GALNT2: variants seen among roughly 807,000 people sequenced by gnomAD.
GALNT2 encodes polypeptide N-acetylgalactosaminyltransferase 2.
A neutral mutation model predicts 81.4 loss-of-function variants in GALNT2; 31 were observed. The ratio of observed to expected loss-of-function variants is 0.38; its 90% CI spans 0.29 to 0.51. The LOEUF (loss-of-function observed/expected upper bound fraction) is 0.51, where lower values mean the gene tolerates loss of function less well. Among genes scored for constraint, GALNT2 ranks in the 20% least tolerant of loss-of-function variants. The pLI is 0.87. For synonymous variants in GALNT2, 303 were observed against 287.4 expected, an observed-to-expected ratio of 1.05 and a Z score of -0.55; for missense variants, 629 against 765.7, an observed-to-expected ratio of 0.82 and a Z score of 2.11.
At chr1:230,260,250 C>G (rs1394324677) in intron 11 of GALNT2, among the ~76,000 whole-genome samples, 1 of 152,062 alleles carries the variant, frequency 6.6e-6, no homozygotes, top group Admixed American at 6.5e-5. Context: ...CAAGGAGGGC[C>G]TGGACAAAAG....
chr1:230,241,093 C>G (rs1665186411), intron 6 of GALNT2, among the ~76,000 whole-genome samples: 1 of 152,196 alleles, frequency 6.6e-6, no homozygotes, highest in African/African-American at 2.4e-5. Flanking sequence ...AGATTCCCCA[C>G]CCATTCACTC....
At chr1:230,106,282 T>C (rs761175348) in intron 1 of GALNT2, among the ~76,000 whole-genome samples, 14 of 152,196 alleles carry the variant, frequency 9.2e-5, no homozygotes, top group Non-Finnish European at 2.1e-4. Context: ...TGCAATTGCC[T>C]AAAGATTTCA....
intron 1 of GALNT2, among the ~76,000 whole-genome samples, chr1:230,123,705 A>G (rs985136729): frequency 6.6e-6 from 1 of 152,202 alleles, no homozygotes. Context: ...AAGGAAAAAT[A>G]TATATTTTAT....
Position 230,243,018 on chromosome 1 carries a change from GGTTA to G in GALNT2, c.608-284_608-281del, listed in dbSNP as rs1665246352. Among the ~76,000 whole-genome samples, 1 of 152,180 alleles carries G rather than the reference GGTTA, an allele frequency of 6.6e-6. No homozygotes were observed. Among genetic ancestry groups the G allele is most frequent in the Admixed American group, 6.5e-5 (1 of 15,284 alleles). On this transcript the variant is annotated intron_variant, in intron 6 of 15. Coordinates refer to ENST00000366672, the MANE Select transcript of GALNT2 (RefSeq NM_004481.5). This position sits in a 1 kb window ranked among gnomAD's most constrained non-coding sequence, Gnocchi z 4.2. ...TGTAGTTATAAAAGTTCCACATTTT[GGTTA>G]GTTGATAAAGGAGACTTCAGTAATG...
intron 1 of GALNT2, among the ~76,000 whole-genome samples, chr1:230,107,639 T>C (rs550699813): frequency 1.3e-5 from 2 of 151,768 alleles, no homozygotes; most frequent in Admixed American, 6.6e-5. Context: ...TGTGTGTGTG[T>C]GTGTGGTTGG....
intron 1 of GALNT2, among the ~76,000 whole-genome samples, chr1:230,098,559 A>T (rs1450312857): frequency 5.9e-5 from 9 of 151,954 alleles, no homozygotes; most frequent in Admixed American, 5.9e-4. Flanking sequence ...TGTCTAGGGC[A>T]GCGGTAAGAC....
At chr1:230,143,684 A>G (rs984707935) in intron 1 of GALNT2, among the ~76,000 whole-genome samples, 2 of 152,258 alleles carry the variant, frequency 1.3e-5, no homozygotes, top group African/African-American at 4.8e-5. Context: ...TTATTAAAGC[A>G]TTGAGTTCTT....
chr1:230,097,974 G>C (rs1660298027), intron 1 of GALNT2, among the ~76,000 whole-genome samples: 1 of 152,158 alleles, frequency 6.6e-6, no homozygotes, highest in East Asian at 1.9e-4. Flanking sequence ...TTTGTAAAGA[G>C]AGAATGTAAA....
chr1:230,144,417 A>G (rs1329151856), intron 1 of GALNT2, among the ~76,000 whole-genome samples: 3 of 152,238 alleles, frequency 2.0e-5, no homozygotes, highest in Admixed American at 1.3e-4. Flanking sequence ...CCGCAGCACC[A>G]AATGATAAAA....
intron 1 of GALNT2, chr1:230,091,757 G>C (rs1328999932): frequency 1.3e-5 from 2 of 152,286 alleles, no homozygotes; most frequent in Non-Finnish European, 2.9e-5. Flanking sequence ...TGTAGCTGTT[G>C]AATTCAGTCT....
chr1:230,226,623 C>A (rs1309737574), intron 3 of GALNT2, among the ~76,000 whole-genome samples: 2 of 152,176 alleles, frequency 1.3e-5, no homozygotes, highest in Non-Finnish European at 2.9e-5. Context: ...TCCATCTTTC[C>A]GAACACATGC....
chr1:230,199,904 C>T (rs1004026586), intron 2 of GALNT2, among the ~76,000 whole-genome samples: 2 of 152,140 alleles, frequency 1.3e-5, no homozygotes, highest in Non-Finnish European at 2.9e-5. Context: ...ACTCATGATT[C>T]AAATCTCAGT....
intron 10 of GALNT2, among the ~76,000 whole-genome samples, chr1:230,254,471 A>G (rs570503031): frequency 2.0e-4 from 30 of 152,300 alleles, no homozygotes; most frequent in Non-Finnish European, 4.3e-4. Flanking sequence ...GCAGATATCA[A>G]TCAGTTACTT....
intron 8 of GALNT2, among the ~76,000 whole-genome samples, chr1:230,247,234 T>C (rs1418198769): frequency 1.3e-5 from 2 of 152,028 alleles, no homozygotes; most frequent in African/African-American, 4.8e-5. Flanking sequence ...CACACACACA[T>C]ATGTGTGCAA....
chr1:230,189,542 A>G (rs141603031), intron 2 of GALNT2, among the ~76,000 whole-genome samples: 150 of 152,272 alleles, frequency 9.9e-4, no homozygotes, highest in Admixed American at 2.2e-3. Flanking sequence ...CACTTGTGTT[A>G]TTTGTTCAGC....
chr1:230,093,059 C>T (rs549913531), intron 1 of GALNT2, among the ~76,000 whole-genome samples: 98 of 152,240 alleles, frequency 6.4e-4, no homozygotes, highest in African/African-American at 2.2e-3. Context: ...AAGTGCTGGC[C>T]GATTGTGCTC....
chr1:230,178,433 C>T, intron 2 of GALNT2, 122 bp downstream of exon 2: 1 of 683,162 alleles, frequency 1.5e-6, no homozygotes, highest in Non-Finnish European at 2.4e-6. Context: ...GCAGGAGACA[C>T]CGCCCTAAAG....
At chr1:230,210,099 G>T (rs1664188088) in intron 3 of GALNT2, among the ~76,000 whole-genome samples, 1 of 152,172 alleles carries the variant, frequency 6.6e-6, no homozygotes, top group African/African-American at 2.4e-5. Flanking sequence ...AGTGTCGTCA[G>T]GCTGGAGCGT....
intron 14 of GALNT2, among the ~76,000 whole-genome samples, chr1:230,273,855 G>T (rs114565368): frequency 6.6e-6 from 1 of 152,308 alleles, no homozygotes; most frequent in African/African-American, 2.4e-5. Context: ...TGTATTCAAA[G>T]AAATTCATAG....
Sources: gnomAD v4.1 joint callset for allele counts (sites outside exome capture counted in the v4.1 genomes callset) on GRCh38, gnomAD v4.1.1 for gene constraint, Gnocchi (gnomAD v3.1) non-coding constraint, MANE v1.5 for transcripts, NCBI Gene and HGNC (gene_info 2026-07-23, HGNC 2026-07-21) for gene names.